Variants in MYCBP2 observed in about 807,000 individuals in gnomAD.
MYCBP2 encodes the protein E3 ubiquitin-protein ligase MYCBP2.
Under a neutral mutation model 525.3 loss-of-function variants are expected in MYCBP2, and 120 were observed. That is an observed-to-expected ratio of 0.23 (90% CI 0.20 to 0.27). The LOEUF (loss-of-function observed/expected upper bound fraction) is 0.27, where lower values mean the gene tolerates loss of function less well. MYCBP2 is among the 10% of genes least tolerant of loss of function. The probability of loss-of-function intolerance (pLI) is 1.00; values close to 1 mark genes in which losing one functional copy is unlikely to be tolerated. For missense variants in MYCBP2, 4,149 were observed against 5,657.1 expected (o/e 0.73, Z 8.55); for synonymous variants, 1,894 against 1,955.8 (o/e 0.97, Z 0.83).
intron 63 of MYCBP2, among the ~76,000 whole-genome samples, chr13:77,082,504 A>G (rs1180858165): frequency 6.6e-6 from 1 of 152,168 alleles, no homozygotes; most frequent in Non-Finnish European, 1.5e-5. Flanking sequence ...GAATTTATTT[A>G]TAAGTGTGAG....
At chr13:77,235,517 C>T (rs2067790560) in intron 17 of MYCBP2, among the ~76,000 whole-genome samples, 1 of 151,844 alleles carries the variant, frequency 6.6e-6, no homozygotes, top group Non-Finnish European at 1.5e-5. Flanking sequence ...GAGAGGTATG[C>T]AAAAAAACAG....
intron 36 of MYCBP2, among the ~76,000 whole-genome samples, chr13:77,175,668 G>A (rs1333648939): frequency 6.6e-6 from 1 of 152,012 alleles, no homozygotes; most frequent in African/African-American, 2.4e-5. Context: ...GCCAAATATT[G>A]TTAGGAAATA....
At chr13:77,199,703 G>T (rs1200429971) in intron 26 of MYCBP2, among the ~76,000 whole-genome samples, 3 of 152,216 alleles carry the variant, frequency 2.0e-5, no homozygotes, top group African/African-American at 7.2e-5. Context: ...CTGAGAAAGG[G>T]CAGACTGCCT....
rs945783578 is a variant in MYCBP2, at chr13:77,076,869, G to A, written c.11725-20C>T. 1.3e-6 allele frequency: 2 copies of A among 1,547,532 alleles called. No homozygotes were observed. The highest frequency in any genetic ancestry group is 1.8e-6 in the Non-Finnish European group (2 of 1,122,756). On this transcript the variant is annotated intron_variant, in intron 67 of 82. Coordinates refer to ENST00000544440, the MANE Select transcript of MYCBP2 (RefSeq NM_015057.5). The stretch of plus-strand genomic sequence containing the variant: ...AAATACCTGATGAAGATATGCATGT[G>A]AGAAGGAATTAATGACAGGCATTAA...
rs146646456 is a variant in MYCBP2, at chr13:77,308,043, A to G, written c.303-11369T>C. 5.9e-5 allele frequency among the ~76,000 whole-genome samples: 9 copies of G among 152,334 alleles called. 1 individual carries two copies. The East Asian group carries it at 1.3e-3, about 23-fold the overall frequency. ...TACAAACCTTGTTCAATAAGCTATAACAACCCTAAACAATAATAGCTATTG... is the reference window on the plus strand; with the variant it reads ...TACAAACCTTGTTCAATAAGCTATAGCAACCCTAAACAATAATAGCTATTG... On this transcript the variant is annotated intron_variant, in intron 1 of 82. Coordinates refer to ENST00000544440, the MANE Select transcript of MYCBP2 (RefSeq NM_015057.5).
At chr13:77,072,041 C>T (rs2041396350) in intron 68 of MYCBP2, among the ~76,000 whole-genome samples, 1 of 152,054 alleles carries the variant, frequency 6.6e-6, no homozygotes, top group South Asian at 2.1e-4. Context: ...GTAATCCCAG[C>T]ACTTTGGGAG....
intron 26 of MYCBP2, among the ~76,000 whole-genome samples, chr13:77,194,752 A>T (rs909998171): frequency 1.3e-5 from 2 of 152,152 alleles, no homozygotes; most frequent in African/African-American, 4.8e-5. Context: ...TAGAATTCTT[A>T]AAAAAACAAA....
chr13:77,082,755 T>G (rs1166265613), intron 63 of MYCBP2, among the ~76,000 whole-genome samples: 1 of 152,072 alleles, frequency 6.6e-6, no homozygotes, highest in Non-Finnish European at 1.5e-5. Flanking sequence ...TTTAAGTGAT[T>G]TGAGGTAGGA....
At chr13:77,089,645 C>CTCTTTTTTT (rs1566471622) in intron 60 of MYCBP2, among the ~76,000 whole-genome samples, 2 of 145,280 alleles carry the variant, frequency 1.4e-5, no homozygotes, top group Non-Finnish European at 3.0e-5. Flanking sequence ...GATCATGTAA[C>CTCTTTTTTT]TGTTTTTTTT....
chr13:77,111,113 C>A (rs941974781), intron 55 of MYCBP2, among the ~76,000 whole-genome samples: 5 of 152,048 alleles, frequency 3.3e-5, no homozygotes, highest in Admixed American at 3.3e-4. Context: ...ATATAGCAGA[C>A]CTAATCCTTC....
intron 17 of MYCBP2, among the ~76,000 whole-genome samples, chr13:77,238,808 A>C (rs985406060): frequency 1.3e-5 from 2 of 152,238 alleles, no homozygotes; most frequent in Non-Finnish European, 2.9e-5. Context: ...AATAGGCCTG[A>C]AGCTGTCTGA....
intron 1 of MYCBP2, among the ~76,000 whole-genome samples, chr13:77,309,534 A>G (rs1256778476): frequency 6.6e-6 from 1 of 152,186 alleles, no homozygotes; most frequent in Non-Finnish European, 1.5e-5. Context: ...GAATCCCAAG[A>G]ATGGACTCTT....
chr13:77,047,341 C>T (rs995669867), intron 82 of MYCBP2, among the ~76,000 whole-genome samples: 1 of 152,084 alleles, frequency 6.6e-6, no homozygotes, highest in Non-Finnish European at 1.5e-5. Flanking sequence ...TTAAAATAGA[C>T]ACAGCAATAC....
At chr13:77,114,296 A>G (rs968543593) in intron 55 of MYCBP2, among the ~76,000 whole-genome samples, 4 of 152,088 alleles carry the variant, frequency 2.6e-5, no homozygotes, top group African/African-American at 7.2e-5. Context: ...CTTTTTCTAT[A>G]TTTTCCTCAA....
intron 55 of MYCBP2, among the ~76,000 whole-genome samples, chr13:77,105,496 C>A (rs1416818281): frequency 6.6e-6 from 1 of 151,956 alleles, no homozygotes; most frequent in Non-Finnish European, 1.5e-5. Context: ...TAAATTTTTA[C>A]AAAATCTGCT....
rs540103641 is a variant in MYCBP2, at chr13:77,069,279, A to G, written c.11905-448T>C. 8.5e-5 allele frequency among the ~76,000 whole-genome samples: 13 copies of G among 152,360 alleles called. No homozygotes were observed. The South Asian group carries it at 2.5e-3, about 29-fold the overall frequency. ...CAATGAAACACTGCTAGAAAGATAAAGCAAAAATAAATTCATGTTGTAGTT... is the reference window on the plus strand; with the variant it reads ...CAATGAAACACTGCTAGAAAGATAAGGCAAAAATAAATTCATGTTGTAGTT... On this transcript the variant is annotated intron_variant, in intron 69 of 82. Transcript: ENST00000544440.
intron 65 of MYCBP2, among the ~76,000 whole-genome samples, chr13:77,079,311 C>A (rs1216561524): frequency 6.6e-6 from 1 of 152,098 alleles, no homozygotes; most frequent in Non-Finnish European, 1.5e-5. Flanking sequence ...CCCAGACTTC[C>A]TTACAGATTT....
chr13:77,225,534 C>T lies in MYCBP2; in HGVS notation c.2758G>A (p.Glu920Lys), dbSNP rs371636741. ...GTTGTGATTTTGCTTGCATCCTTTTCGCCTCTTTCTCCACTTCCATCTGCA... is the reference window on the plus strand; with the variant it reads ...GTTGTGATTTTGCTTGCATCCTTTTTGCCTCTTTCTCCACTTCCATCTGCA... ...KHKDGSGERGEKDASKITTYP... is the reference protein window; with the variant it reads ...KHKDGSGERGKKDASKITTYP... The change falls in exon 19 of 83, where the codon GAA (glutamate) becomes AAA (lysine). Residue 920 changes from glutamate (E) to lysine (K), a missense_variant. By Grantham distance (56) the Glu-to-Lys change is moderately conservative. Coordinates refer to ENST00000544440, the MANE Select transcript of MYCBP2 (RefSeq NM_015057.5). 2 of 1,613,520 alleles carry T rather than the reference C, an allele frequency of 1.2e-6. No individual in the cohort carries two copies. Among genetic ancestry groups the T allele is most frequent in the Non-Finnish European group, 1.7e-6 (2 of 1,179,650 alleles).
chr13:77,192,669 G>C (rs999113884), intron 27 of MYCBP2, among the ~76,000 whole-genome samples: 1 of 152,204 alleles, frequency 6.6e-6, no homozygotes, highest in African/African-American at 2.4e-5. Context: ...AGCTGTAGAA[G>C]AGTAGTGGTA....
Sources: allele counts gnomAD v4.1 joint callset (sites outside exome capture counted in the v4.1 genomes callset), GRCh38; gene constraint gnomAD v4.1.1; transcripts MANE v1.5; gene names NCBI Gene and HGNC (gene_info 2026-07-23, HGNC 2026-07-21).